CPA4: variants seen among roughly 807,000 people sequenced by gnomAD.
CPA4 encodes carboxypeptidase A4, also known as carboxypeptidase A3.
Under a neutral mutation model 54.7 loss-of-function variants are expected in CPA4, and 49 were observed. The ratio of observed to expected loss-of-function variants is 0.90; its 90% CI spans 0.71 to 1.14. The LOEUF (loss-of-function observed/expected upper bound fraction) is 1.14, where lower values mean the gene tolerates loss of function less well. CPA4 is among the 50% of genes most tolerant of loss of function. The pLI, the probability that CPA4 is intolerant of heterozygous loss-of-function variation, is 0.00. For synonymous variants in CPA4, 215 were observed against 206.8 expected (o/e 1.04, Z -0.34); for missense variants, 487 against 525.1 (o/e 0.93, Z 0.71).
At chr7:130,309,577 C>A (rs775519166) in intron 8 of CPA4, among the ~76,000 whole-genome samples, 2 of 152,196 alleles carry the variant, frequency 1.3e-5, no homozygotes, top group Non-Finnish European at 2.9e-5. Context: ...TACTAAGTAC[C>A]TTCCGGTATT....
At chr7:130,319,912 T>C (rs1171161564) in intron 10 of CPA4, among the ~76,000 whole-genome samples, 1 of 152,150 alleles carries the variant, frequency 6.6e-6, no homozygotes, top group African/African-American at 2.4e-5. Context: ...CTTGGTCAGA[T>C]GAGGAAATTT....
In CPA4 at chr7:130,293,167, G is replaced by A; in HGVS notation, c.-14G>A. 1 of 1,580,902 alleles carries A rather than the reference G, an allele frequency of 6.3e-7. No homozygotes were observed. On this transcript the variant is annotated 5_prime_UTR_variant, in exon 1 of 11. Coordinates refer to ENST00000222482, the MANE Select transcript of CPA4 (RefSeq NM_016352.4). Reference sequence around the variant, plus strand: ...AGCTTGACTCAGCCACTGTATGACTGACTCCCCGGGGACATGAGGTGGATA... The same window carrying A: ...AGCTTGACTCAGCCACTGTATGACTAACTCCCCGGGGACATGAGGTGGATA...
chr7:130,298,602 A>G (rs1225432599), intron 1 of CPA4, 144 bp from the exon 2 acceptor site: 2 of 553,578 alleles, frequency 3.6e-6, no homozygotes, highest in Non-Finnish European at 3.3e-6. Flanking sequence ...CTCATTTTTA[A>G]TGGCCATACA....
intron 5 of CPA4, among the ~76,000 whole-genome samples, chr7:130,304,832 C>A (rs888374541): frequency 1.3e-5 from 2 of 152,178 alleles, no homozygotes; most frequent in African/African-American, 2.4e-5. Flanking sequence ...GATTAGTATT[C>A]CAGAAAGCTC....
At chr7:130,297,730 G>T (rs1451642691) in intron 1 of CPA4, among the ~76,000 whole-genome samples, 1 of 152,164 alleles carries the variant, frequency 6.6e-6, no homozygotes, top group Non-Finnish European at 1.5e-5. Flanking sequence ...AGGTCCTTGA[G>T]CCCACAGCGG....
At chr7:130,316,501 T>C (rs961237444) in intron 10 of CPA4, among the ~76,000 whole-genome samples, 3 of 152,172 alleles carry the variant, frequency 2.0e-5, no homozygotes, top group Non-Finnish European at 2.9e-5. Flanking sequence ...AGATGGCATA[T>C]CCTGCTTGGA....
intron 1 of CPA4, among the ~76,000 whole-genome samples, chr7:130,295,900 A>T (rs961050672): frequency 5.3e-5 from 8 of 152,052 alleles, no homozygotes; most frequent in African/African-American, 1.9e-4. Flanking sequence ...AATCACTTGA[A>T]CCCCGGAGGC....
At chr7:130,305,309 T>C (rs1793802651) in intron 5 of CPA4, among the ~76,000 whole-genome samples, 1 of 152,204 alleles carries the variant, frequency 6.6e-6, no homozygotes, top group Non-Finnish European at 1.5e-5. Flanking sequence ...AGACCCTGGC[T>C]TCATTAGCAC....
At chr7:130,318,303 C>T (rs1794022419) in intron 10 of CPA4, among the ~76,000 whole-genome samples, 1 of 152,186 alleles carries the variant, frequency 6.6e-6, no homozygotes, top group Non-Finnish European at 1.5e-5. Flanking sequence ...CTTTTCTCTC[C>T]TCCACAGTAT....
intron 1 of CPA4, among the ~76,000 whole-genome samples, chr7:130,297,191 G>A (rs1008363177): frequency 1.3e-5 from 2 of 152,172 alleles, no homozygotes; most frequent in African/African-American, 4.8e-5. Context: ...CTGGCCTCAA[G>A]CAATCCTCTC....
At chr7:130,301,193 A>G (rs1221549076) in intron 4 of CPA4, among the ~76,000 whole-genome samples, 1 of 152,210 alleles carries the variant, frequency 6.6e-6, no homozygotes, top group East Asian at 1.9e-4. Context: ...AATCATTTCT[A>G]GTCCTTGTAA....
chr7:130,320,852 G>T (rs1231636774), intron 10 of CPA4, among the ~76,000 whole-genome samples: 1 of 152,200 alleles, frequency 6.6e-6, no homozygotes, highest in East Asian at 1.9e-4. Flanking sequence ...ATAATGCCTG[G>T]CTCATAGTAG....
At chr7:130,307,521 A>G (rs750967210) in intron 7 of CPA4, among the ~76,000 whole-genome samples, 17 of 150,584 alleles carry the variant, frequency 1.1e-4, no homozygotes, top group Non-Finnish European at 2.2e-4. Context: ...AGTCCCAGCT[A>G]CTTGGGAAGC....
rs766316872 is a variant in CPA4, at chr7:130,310,465, G to T, written c.794-322G>T. Reference sequence around the variant, plus strand: ...ATGGAGTCATTTTCATTATTTATTGGTATTCATATTAATTATCTAGTCTAC... The same window carrying T: ...ATGGAGTCATTTTCATTATTTATTGTTATTCATATTAATTATCTAGTCTAC... On this transcript the variant is annotated intron_variant, in intron 8 of 10. Transcript: ENST00000222482. The surrounding 1 kb of genome is among the most constrained non-coding windows in gnomAD (Gnocchi z 4.3). Among the ~76,000 whole-genome samples the T allele has an allele frequency of 8.5e-5, 13 of 152,128 alleles. No homozygotes were observed. The highest frequency in any genetic ancestry group is 1.3e-4 in the Non-Finnish European group (9 of 68,026).
chr7:130,308,940 G>A (rs1400400541), intron 8 of CPA4, among the ~76,000 whole-genome samples: 3 of 149,150 alleles, frequency 2.0e-5, no homozygotes, highest in African/African-American at 5.0e-5. Flanking sequence ...TGCAACCTCC[G>A]CCTCCCGGGT....
At chr7:130,302,072 C>T (rs1047728887) in intron 4 of CPA4, among the ~76,000 whole-genome samples, 6 of 152,210 alleles carry the variant, frequency 3.9e-5, no homozygotes, top group African/African-American at 9.6e-5. Flanking sequence ...TGGTTTGAGG[C>T]GCCCTTTGCA....
chr7:130,304,989 C>G (rs1393338716), intron 5 of CPA4, among the ~76,000 whole-genome samples: 1 of 152,154 alleles, frequency 6.6e-6, no homozygotes, highest in Non-Finnish European at 1.5e-5. Flanking sequence ...TAATTTTAAG[C>G]CCAGCCTCTG....
intron 3 of CPA4, chr7:130,299,664 C>G: frequency 2.4e-6 from 1 of 411,888 alleles, no homozygotes. Flanking sequence ...TGTGCTGTGT[C>G]TTTGGACAAG....
At position 130,299,338 on chromosome 7, in the gene CPA4, G is replaced by A. The variant is rs1209020550; in HGVS notation, c.219G>A (p.Leu73=). The change falls in exon 3 of 11, where the codon CTG becomes CTA. Residue 73 remains leucine, a synonymous_variant. Coordinates refer to ENST00000222482, the MANE Select transcript of CPA4 (RefSeq NM_016352.4). Reference sequence around the variant, plus strand: ...ATGTCCTGGTCCCATCTGTCAGTCTGCAGGCATTTAAATCCTTCCTGAGAT... The same window carrying A: ...ATGTCCTGGTCCCATCTGTCAGTCTACAGGCATTTAAATCCTTCCTGAGAT... ...PVDVLVPSVS[L]QAFKSFLRSQ... 6.2e-7 allele frequency: 1 copy of A among 1,613,358 alleles called. No homozygotes were observed. The highest frequency in any genetic ancestry group is 1.1e-5 in the South Asian group (1 of 91,064).
Sources: gnomAD v4.1 joint callset for allele counts (sites outside exome capture counted in the v4.1 genomes callset) on GRCh38, gnomAD v4.1.1 for gene constraint, Gnocchi (gnomAD v3.1) non-coding constraint, MANE v1.5 for transcripts, NCBI Gene and HGNC (gene_info 2026-07-23, HGNC 2026-07-21) for gene names.